FER: variants seen among roughly 807,000 people sequenced by gnomAD.
The protein encoded by FER is FER tyrosine kinase, also known as tyrosine-protein kinase Fer.
A neutral mutation model predicts 111.0 loss-of-function variants in FER; 63 were observed. That is an observed-to-expected ratio of 0.57 (90% CI 0.46 to 0.70). The LOEUF is 0.70. Among genes scored for constraint, FER ranks in the 30% least tolerant of loss-of-function variants. FER has a pLI of 0.00. For synonymous variants in FER, 327 were observed against 313.9 expected (o/e 1.04, Z -0.44); for missense variants, 914 against 954.0 (o/e 0.96, Z 0.55).
At chr5:109,147,663 A>G (rs1021787440) in intron 17 of FER, among the ~76,000 whole-genome samples, 1 of 151,902 alleles carries the variant, frequency 6.6e-6, no homozygotes, top group African/African-American at 2.4e-5. Flanking sequence ...CTATATTTCT[A>G]GCTGAAAAAG....
At chr5:108,812,651 T>A (rs1426633472) in intron 3 of FER, among the ~76,000 whole-genome samples, 17 of 152,136 alleles carry the variant, frequency 1.1e-4, no homozygotes, top group Admixed American at 1.1e-3. Flanking sequence ...TATTCCTTTC[T>A]CCTGTTTCTT....
At chr5:108,977,153 A>G (rs1342043394) in intron 13 of FER, among the ~76,000 whole-genome samples, 1 of 152,214 alleles carries the variant, frequency 6.6e-6, no homozygotes, top group South Asian at 2.1e-4. Flanking sequence ...AAATTATTAC[A>G]GTAGTAATGT....
chr5:108,870,249 A>G (rs1169495218), intron 6 of FER, among the ~76,000 whole-genome samples: 1 of 152,224 alleles, frequency 6.6e-6, no homozygotes, highest in South Asian at 2.1e-4. Flanking sequence ...ACAAATACCC[A>G]TTCATATAAT....
intron 15 of FER, among the ~76,000 whole-genome samples, chr5:109,045,486 A>G (rs1184519982): frequency 6.6e-6 from 1 of 152,138 alleles, no homozygotes; most frequent in African/African-American, 2.4e-5. Flanking sequence ...AGATTTGGTA[A>G]TAGAAATAAT....
intron 8 of FER, among the ~76,000 whole-genome samples, chr5:108,879,657 G>T (rs1257241413): frequency 1.5e-5 from 2 of 136,414 alleles, no homozygotes; most frequent in Admixed American, 1.5e-4. Flanking sequence ...TGGTAAGAAA[G>T]AGTAAATACT....
chr5:109,165,596 GTGTGTGT>G (rs1756455362), intron 17 of FER, among the ~76,000 whole-genome samples: 1 of 47,282 alleles, frequency 2.1e-5, no homozygotes, highest in Admixed American at 2.1e-4. Flanking sequence ...GGGAACTGGT[GTGTGTGT>G]GTGTGTGTGT....
chr5:109,135,846 C>T (rs914127186), intron 17 of FER, among the ~76,000 whole-genome samples: 4 of 152,140 alleles, frequency 2.6e-5, no homozygotes, highest in Admixed American at 6.6e-5. Flanking sequence ...TTCTAATAAC[C>T]AGCGCTCAAA....
chr5:108,855,718 T>C (rs1762944957), intron 5 of FER, among the ~76,000 whole-genome samples: 1 of 152,164 alleles, frequency 6.6e-6, no homozygotes, highest in Non-Finnish European at 1.5e-5. Context: ...CTAGGTTGAA[T>C]ACTGCTAAAA....
intron 2 of FER, among the ~76,000 whole-genome samples, chr5:108,769,921 C>CT (rs1177911130): frequency 6.6e-6 from 1 of 151,588 alleles, no homozygotes; most frequent in Non-Finnish European, 1.5e-5. Context: ...CTTTATTTTG[C>CT]TTTTTTTCCA....
At chr5:109,032,000 C>T (rs1769696381) in intron 13 of FER, among the ~76,000 whole-genome samples, 1 of 152,138 alleles carries the variant, frequency 6.6e-6, no homozygotes, top group Non-Finnish European at 1.5e-5. Flanking sequence ...ATGTATGGAG[C>T]ATAACTACCA....
At chr5:109,023,968 C>A (rs933582774) in intron 13 of FER, among the ~76,000 whole-genome samples, 28 of 152,154 alleles carry the variant, frequency 1.8e-4, no homozygotes, top group Non-Finnish European at 1.3e-4. Context: ...TAGGCACTGA[C>A]TGAGTACTTT....
rs73780776 is a variant in FER, at chr5:108,937,483, T to C, written c.1237-8647T>C. 3.8e-3 allele frequency among the ~76,000 whole-genome samples: 571 copies of C among 152,042 alleles called. 4 individuals carry two copies. The highest frequency in any genetic ancestry group is 0.013 in the African/African-American group (540 of 41,516). On this transcript the variant is annotated intron_variant, in intron 10 of 19. Coordinates refer to ENST00000281092, the MANE Select transcript of FER (RefSeq NM_005246.4). ...TGAGTAGACTTGGTTCAGGTGGTAA[T>C]TGAAGTTGAGACATAAAAGAGATTA... is the stretch of plus-strand genomic sequence containing the variant.
intron 2 of FER, among the ~76,000 whole-genome samples, chr5:108,787,716 C>T (rs188228986): frequency 5.9e-5 from 9 of 152,168 alleles, no homozygotes; most frequent in Non-Finnish European, 7.3e-5. Flanking sequence ...GGGTCTCCTC[C>T]GCTGAGAGCT....
chr5:108,993,549 C>CCG, intron 13 of FER, among the ~76,000 whole-genome samples: 2 of 142,214 alleles, frequency 1.4e-5, no homozygotes, highest in African/African-American at 5.5e-5. Context: ...GAGAGGGAGA[C>CCG]TGTGGGGAGA....
chr5:108,897,874 A>G, intron 10 of FER, 26 bp downstream of exon 10: 1 of 1,561,864 alleles, frequency 6.4e-7, no homozygotes, highest in South Asian at 1.2e-5. Context: ...ATCCAATGAG[A>G]AACTTGGAAG....
chr5:108,807,873 C>T lies in FER; in HGVS notation c.207+9484C>T, dbSNP rs372789912. Among the ~76,000 whole-genome samples the T allele has an allele frequency of 7.2e-4, 109 of 152,118 alleles. 4 individuals carry two copies. The South Asian group carries it at 0.023, about 32-fold the overall frequency. On this transcript the variant is annotated intron_variant, in intron 3 of 19. Coordinates refer to ENST00000281092, the MANE Select transcript of FER (RefSeq NM_005246.4). ...ATTTCTGCCTTAATTTCATTGTTTA[C>T]CCACAAGTCATTCTGGAGCAAGTTG...
chr5:109,145,551 C>G (rs1169488249), intron 17 of FER, among the ~76,000 whole-genome samples: 1 of 152,004 alleles, frequency 6.6e-6, no homozygotes, highest in African/African-American at 2.4e-5. Context: ...TTAAATTACT[C>G]TGTGCTTTGC....
chr5:108,810,908 C>T (rs1757689556), intron 3 of FER, among the ~76,000 whole-genome samples: 1 of 151,916 alleles, frequency 6.6e-6, no homozygotes, highest in Admixed American at 6.6e-5. Flanking sequence ...CCAGTCCGGG[C>T]ATGCAGGTTC....
At chr5:109,004,542 A>C (rs1765247954) in intron 13 of FER, among the ~76,000 whole-genome samples, 1 of 152,238 alleles carries the variant, frequency 6.6e-6, no homozygotes, top group South Asian at 2.1e-4. Flanking sequence ...ATTAAAAATA[A>C]GTGTTTGGAT....
Sources: gnomAD v4.1 joint callset for allele counts (sites outside exome capture counted in the v4.1 genomes callset) on GRCh38, gnomAD v4.1.1 for gene constraint, MANE v1.5 for transcripts, NCBI Gene and HGNC (gene_info 2026-07-23, HGNC 2026-07-21) for gene names.